The following CFAP54 variants were observed in gnomAD, a reference collection of about 807,000 sequenced individuals.
CFAP54 encodes the protein cilia- and flagella-associated protein 54.
In CFAP54, 290 loss-of-function variants were observed where a neutral mutation model predicts 370.4. The observed-to-expected ratio is 0.78, with a 90% confidence interval of 0.71 to 0.86. CFAP54 has a LOEUF of 0.86. Ranked by LOEUF, CFAP54 falls within the 40% of genes least tolerant of loss-of-function variation. The probability of loss-of-function intolerance (pLI) is 0.00; values close to 1 mark genes in which losing one functional copy is unlikely to be tolerated. For missense variants in CFAP54, 3,399 were observed against 3,528.7 expected, an observed-to-expected ratio of 0.96 and a Z score of 0.93; for synonymous variants, 1,206 against 1,236.5, an observed-to-expected ratio of 0.98 and a Z score of 0.52.
At chr12:96,714,234 T>TG (rs1043849526) in intron 48 of CFAP54, among the ~76,000 whole-genome samples, 22 of 152,286 alleles carry the variant, frequency 1.4e-4, no homozygotes, top group African/African-American at 5.3e-4. Context: ...GGATATACCT[T>TG]GAAGGTGGAG....
intron 10 of CFAP54, 27 bp downstream of exon 10, chr12:96,534,000 G>GTTTTTTTT: frequency 7.1e-7 from 1 of 1,408,510 alleles, no homozygotes; most frequent in African/African-American, 1.5e-5. Context: ...TATCCTCCTG[G>GTTTTTTTT]TTTTTTTTTT....
chr12:96,790,258 T>C (rs7315634), intron 62 of CFAP54, among the ~76,000 whole-genome samples: 48,373 of 151,940 alleles, frequency 0.32, 8,021 homozygotes, highest in South Asian at 0.54. Flanking sequence ...ATCTGACTAG[T>C]GTGAGCTGCT....
rs1956400050 is a variant in CFAP54, at chr12:96,615,025, T to C, written c.3640-6565T>C. 5.3e-5 allele frequency among the ~76,000 whole-genome samples: 8 copies of C among 152,240 alleles called. No homozygotes were observed. In the South Asian group the frequency reaches 1.7e-3, roughly 32 times the overall value. On this transcript the variant is annotated intron_variant, in intron 26 of 67. Transcript: ENST00000524981. ...GAAAAAAACTACTTTAAAGTTCATATGGAACCAAAAAAGAGCCTGCATTGC... is the reference window on the plus strand; with the variant it reads ...GAAAAAAACTACTTTAAAGTTCATACGGAACCAAAAAAGAGCCTGCATTGC...
At chr12:96,787,490 A>AT (rs1958640666) in intron 62 of CFAP54, among the ~76,000 whole-genome samples, 2 of 152,338 alleles carry the variant, frequency 1.3e-5, no homozygotes, top group Admixed American at 6.5e-5. Context: ...ATAAATGGAG[A>AT]TTTTTCAAAA....
rs1273850211 is a variant in CFAP54, at chr12:96,704,412, G to A, written c.6475-331G>A. Among the ~76,000 whole-genome samples, 307 of 114,640 alleles carry A rather than the reference G, an allele frequency of 2.7e-3. 3 individuals carry two copies. The highest frequency in any genetic ancestry group is 0.011 in the African/African-American group (301 of 28,478). The allele number at this position is 114,640 out of a possible 152,430, so 75.2% of individuals were successfully genotyped here. ...ACTGCACTCCAGCCTGGGCGACAGA[G>A]CGAGACTCGGTCTAAAAAAAAAAAA... On this transcript the variant is annotated intron_variant, in intron 46 of 67. Transcript: ENST00000524981.
chr12:96,825,518 CATATT>C lies in CFAP54; in HGVS notation c.9097-3491_9097-3487del, dbSNP rs528567208. Among the ~76,000 whole-genome samples the C allele has an allele frequency of 8.6e-3, 886 of 103,530 alleles. 27 individuals are homozygous for C. The East Asian group carries it at 0.1, about 12-fold the overall frequency. The allele number at this position is 103,530 out of a possible 152,430, so 67.9% of individuals were successfully genotyped here. ...ACATACATAATTATATATTATATAA[CATATT>C]ATATATTATTTACTATATATTATAT... On this transcript the variant is annotated intron_variant, in intron 65 of 67. Coordinates refer to ENST00000524981, the MANE Select transcript of CFAP54 (RefSeq NM_001306084.2).
At chr12:96,615,003 A>T (rs1956399726) in intron 26 of CFAP54, among the ~76,000 whole-genome samples, 1 of 152,216 alleles carries the variant, frequency 6.6e-6, no homozygotes, top group South Asian at 2.1e-4. Context: ...AGAATTGGAA[A>T]AAAACTACTT....
At position 96,581,106 on chromosome 12, in the gene CFAP54, G is replaced by A; in HGVS notation, c.3075+1G>A. 1 of 1,437,924 alleles carries A rather than the reference G, an allele frequency of 7.0e-7. No homozygotes were observed. Among genetic ancestry groups the A allele is most frequent in the Non-Finnish European group, 9.1e-7 (1 of 1,096,002 alleles). The allele number at this position is 1,437,924 out of a possible 1,614,324, so 89.1% of individuals were successfully genotyped here. A position where few individuals can be genotyped will look rare whatever the true frequency, so the allele number is the denominator to read the frequency against. The stretch of plus-strand genomic sequence containing the variant: ...TACTGCTCGGATGTTCCTGACACAG[G>A]TAGAAAAGATTTCTGCTAATTTTTT... On this transcript the variant is annotated splice_donor_variant, in intron 22 of 67. Transcript: ENST00000524981. LOFTEE classifies it high-confidence loss of function.
intron 39 of CFAP54, 110 bp downstream of exon 39, chr12:96,664,042 C>A (rs527581772): frequency 4.3e-5 from 36 of 839,296 alleles, no homozygotes; most frequent in South Asian, 2.3e-4. Flanking sequence ...ATGTATTTTG[C>A]AGGTTTAGTT....
chr12:96,723,855 A>T, intron 50 of CFAP54, among the ~76,000 whole-genome samples: 1 of 112,464 alleles, frequency 8.9e-6, no homozygotes, highest in African/African-American at 3.6e-5. Flanking sequence ...CAGTCCCCAG[A>T]GTGTGATGTT....
At chr12:96,680,697 T>C (rs2136548926) in intron 40 of CFAP54, among the ~76,000 whole-genome samples, 1 of 152,036 alleles carries the variant, frequency 6.6e-6, no homozygotes, top group Admixed American at 6.5e-5. Flanking sequence ...TATGTATCCA[T>C]AGTTTTTGGT....
intron 26 of CFAP54, among the ~76,000 whole-genome samples, chr12:96,611,106 C>T (rs1459724027): frequency 6.6e-6 from 1 of 152,210 alleles, no homozygotes; most frequent in Non-Finnish European, 1.5e-5. Context: ...GGGTCCGTGA[C>T]CCCTGAGTAG....
At chr12:96,507,608 C>G (rs1012249325) in intron 4 of CFAP54, among the ~76,000 whole-genome samples, 1 of 152,022 alleles carries the variant, frequency 6.6e-6, no homozygotes, top group Admixed American at 6.6e-5. Flanking sequence ...AAATGACTCT[C>G]AGCTAAAAAA....
At chr12:96,587,159 A>T (rs191019386) in intron 22 of CFAP54, among the ~76,000 whole-genome samples, 1 of 152,128 alleles carries the variant, frequency 6.6e-6, no homozygotes, top group Non-Finnish European at 1.5e-5. Flanking sequence ...TAAGGTGTTT[A>T]GTATATATGG....
intron 63 of CFAP54, among the ~76,000 whole-genome samples, chr12:96,799,766 A>G (rs1958802983): frequency 6.6e-6 from 1 of 152,216 alleles, no homozygotes; most frequent in Non-Finnish European, 1.5e-5. Context: ...TTTTAGGGGA[A>G]TGTAGTGCAG....
At chr12:96,584,697 C>T (rs957380990) in intron 22 of CFAP54, among the ~76,000 whole-genome samples, 2 of 151,404 alleles carry the variant, frequency 1.3e-5, no homozygotes, top group African/African-American at 4.9e-5. Context: ...ATAATTCTGA[C>T]TTATAGTTTC....
At chr12:96,602,312 T>A (rs1044167675) in intron 26 of CFAP54, among the ~76,000 whole-genome samples, 1 of 152,204 alleles carries the variant, frequency 6.6e-6, no homozygotes, top group Non-Finnish European at 1.5e-5. Flanking sequence ...TGCACTCTGG[T>A]CTGAGAGACA....
At chr12:96,754,969 C>G (rs1316614499) in intron 56 of CFAP54, among the ~76,000 whole-genome samples, 1 of 152,128 alleles carries the variant, frequency 6.6e-6, no homozygotes, top group African/African-American at 2.4e-5. Flanking sequence ...ATCTCGAACT[C>G]CTGACCTCAA....
intron 19 of CFAP54, among the ~76,000 whole-genome samples, chr12:96,568,789 G>T (rs951025312): frequency 6.6e-6 from 1 of 152,058 alleles, no homozygotes; most frequent in Non-Finnish European, 1.5e-5. Flanking sequence ...TGTGGATCTG[G>T]ATAATCTCAT....
Sources: allele counts gnomAD v4.1 joint callset (sites outside exome capture counted in the v4.1 genomes callset), GRCh38; gene constraint gnomAD v4.1.1; transcripts MANE v1.5; gene names NCBI Gene and HGNC (gene_info 2026-07-23, HGNC 2026-07-21).